Variants in SNX24 observed in about 807,000 individuals in gnomAD.
SNX24 encodes sorting nexin-24.
Under a neutral mutation model 28.7 loss-of-function variants are expected in SNX24, and 22 were observed. That is an observed-to-expected ratio of 0.77 (90% CI 0.55 to 1.10). The LOEUF is 1.10. SNX24 is among the 50% of genes least tolerant of loss of function. SNX24 has a pLI of 0.00. For missense variants in SNX24, 221 were observed against 201.1 expected, an observed-to-expected ratio of 1.10 and a Z score of -0.60; for synonymous variants, 69 against 71.5, an observed-to-expected ratio of 0.96 and a Z score of 0.18.
intron 5 of SNX24, among the ~76,000 whole-genome samples, chr5:123,018,429 A>G (rs1014770641): frequency 1.3e-5 from 2 of 152,130 alleles, no homozygotes; most frequent in Non-Finnish European, 2.9e-5. Flanking sequence ...TAGATCCAGG[A>G]TATCTATAAC....
chr5:122,909,942 T>C (rs1439837305), intron 1 of SNX24, among the ~76,000 whole-genome samples: 1 of 152,222 alleles, frequency 6.6e-6, no homozygotes. Flanking sequence ...TAATTCTTTC[T>C]AGTGCATGCT....
At chr5:122,974,296 T>C (rs1248714468) in intron 3 of SNX24, among the ~76,000 whole-genome samples, 1 of 152,212 alleles carries the variant, frequency 6.6e-6, no homozygotes, top group Non-Finnish European at 1.5e-5. Flanking sequence ...GTGTGCTTGC[T>C]ACTGCTTGCT....
chr5:122,947,861 A>G (rs930613477), intron 3 of SNX24, among the ~76,000 whole-genome samples: 2 of 152,174 alleles, frequency 1.3e-5, no homozygotes, highest in Non-Finnish European at 2.9e-5. Context: ...TGTTCCCCTC[A>G]TTGTATTTGA....
intron 3 of SNX24, among the ~76,000 whole-genome samples, chr5:122,976,827 A>G (rs561982095): frequency 9.2e-5 from 14 of 152,382 alleles, no homozygotes; most frequent in African/African-American, 3.4e-4. Context: ...ATCAATTGCA[A>G]TTCATATTTC....
At chr5:122,888,762 T>C (rs1756824379) in intron 1 of SNX24, among the ~76,000 whole-genome samples, 1 of 152,168 alleles carries the variant, frequency 6.6e-6, no homozygotes, top group East Asian at 1.9e-4. Flanking sequence ...GAAATGGACT[T>C]TTGATTCCCA....
intron 1 of SNX24, among the ~76,000 whole-genome samples, chr5:122,868,877 C>A (rs73289283): frequency 0.048 from 7,368 of 152,312 alleles, 603 homozygotes; most frequent in African/African-American, 0.17. Flanking sequence ...ATGGCTCAGT[C>A]AAGTAGACAC....
chr5:122,961,755 C>T (rs1000365913), intron 3 of SNX24, among the ~76,000 whole-genome samples: 4 of 152,146 alleles, frequency 2.6e-5, no homozygotes, highest in African/African-American at 9.7e-5. Flanking sequence ...TCATTGCTAG[C>T]AAGTGTTTTC....
intron 1 of SNX24, among the ~76,000 whole-genome samples, chr5:122,854,439 C>T (rs537453651): frequency 4.0e-5 from 6 of 149,680 alleles, no homozygotes; most frequent in African/African-American, 1.2e-4. Flanking sequence ...ACCCGGGAGG[C>T]GGAGCTTGCA....
downstream of SNX24, among the ~76,000 whole-genome samples, chr5:123,013,021 A>G (rs1282207009): frequency 6.6e-6 from 1 of 152,184 alleles, no homozygotes; most frequent in Non-Finnish European, 1.5e-5. Flanking sequence ...ATTGACTTTC[A>G]TAACTCCTTC....
chr5:122,940,433 C>T (rs1759390090), intron 2 of SNX24, among the ~76,000 whole-genome samples: 1 of 152,184 alleles, frequency 6.6e-6, no homozygotes, highest in Admixed American at 6.5e-5. Context: ...CCTCCATTCT[C>T]TTACTCAAAT....
chr5:122,895,615 A>G (rs1757166118), intron 1 of SNX24, among the ~76,000 whole-genome samples: 1 of 152,184 alleles, frequency 6.6e-6, no homozygotes, highest in Admixed American at 6.5e-5. Context: ...CATCCCCCGC[A>G]GGGGACACGT....
chr5:123,027,074 A>G (rs1762870336), intron 5 of SNX24, among the ~76,000 whole-genome samples: 1 of 152,066 alleles, frequency 6.6e-6, no homozygotes, highest in Non-Finnish European at 1.5e-5. Flanking sequence ...GGCGCCTGCA[A>G]TCCCAGCTAC....
At chr5:122,860,021 T>C (rs1165224096) in intron 1 of SNX24, among the ~76,000 whole-genome samples, 1 of 152,208 alleles carries the variant, frequency 6.6e-6, no homozygotes, top group African/African-American at 2.4e-5. Flanking sequence ...GTGACAAATG[T>C]TTCCTATTCA....
chr5:122,866,125 T>G (rs1451676461), intron 1 of SNX24, among the ~76,000 whole-genome samples: 1 of 152,226 alleles, frequency 6.6e-6, no homozygotes, highest in Non-Finnish European at 1.5e-5. Flanking sequence ...CTGTCACTGG[T>G]TGTGTGGTCA....
At chr5:123,013,885 T>G (rs1365722892), downstream of SNX24, among the ~76,000 whole-genome samples, 1 of 152,172 alleles carries the variant, frequency 6.6e-6, no homozygotes, top group African/African-American at 2.4e-5. Flanking sequence ...GAGTAGTTTT[T>G]AGTGCCCCAT....
chr5:123,007,700 T>C lies in SNX24; in HGVS notation c.461T>C (p.Ile154Thr). 4.4e-6 allele frequency: 7 copies of C among 1,592,908 alleles called. No homozygotes were observed. Among genetic ancestry groups the C allele is most frequent in the Non-Finnish European group, 6.0e-6 (7 of 1,174,178 alleles). Reference protein sequence around the residue: ...PAASDFPNVVIEGVLHGIFYP... With the variant: ...PAASDFPNVVTEGVLHGIFYP... ...TTTTCAGATTTTCCAAATGTGGTTA[T>C]TGAAGGAGTCCTCCATGGGATATTT... Residue 154 changes from isoleucine to threonine, a missense_variant, in exon 7 of 7, where the codon ATT becomes ACT. Physicochemically the swap from Ile to Thr is moderately conservative, Grantham distance 89. Transcript: ENST00000261369.
At chr5:122,995,656 CTG>C (rs968831777) in intron 3 of SNX24, among the ~76,000 whole-genome samples, 2 of 152,206 alleles carry the variant, frequency 1.3e-5, no homozygotes, top group African/African-American at 4.8e-5. Flanking sequence ...GTATTTCACT[CTG>C]TGTGTATACC....
chr5:122,894,929 C>T (rs2150073983), intron 1 of SNX24, among the ~76,000 whole-genome samples: 2 of 151,318 alleles, frequency 1.3e-5, no homozygotes, highest in Middle Eastern at 3.4e-3. Context: ...AAATACTCCT[C>T]AGTAAATAAA....
At chr5:122,939,267 C>A (rs1416138093) in intron 2 of SNX24, among the ~76,000 whole-genome samples, 1 of 152,136 alleles carries the variant, frequency 6.6e-6, no homozygotes, top group African/African-American at 2.4e-5. Context: ...AAATATTTAA[C>A]TATATTACCC....
Sources: allele counts gnomAD v4.1 joint callset (sites outside exome capture counted in the v4.1 genomes callset), GRCh38; gene constraint gnomAD v4.1.1; transcripts MANE v1.5; gene names NCBI Gene and HGNC (gene_info 2026-07-23, HGNC 2026-07-21).